The following FAM171B variants were observed in gnomAD, a reference collection of about 807,000 sequenced individuals.
FAM171B encodes family with sequence similarity 171 member B.
A neutral mutation model predicts 75.6 loss-of-function variants in FAM171B; 19 were observed. That is an observed-to-expected ratio of 0.25 (90% CI 0.18 to 0.37). The LOEUF (loss-of-function observed/expected upper bound fraction) is 0.37. Among genes scored for constraint, FAM171B ranks in the 10% least tolerant of loss-of-function variants. The pLI, the probability that FAM171B is intolerant of heterozygous loss-of-function variation, is 1.00. For synonymous variants in FAM171B, 367 were observed against 361.7 expected (o/e 1.01, Z -0.17); for missense variants, 848 against 982.4 (o/e 0.86, Z 1.83).
intron 1 of FAM171B, among the ~76,000 whole-genome samples, chr2:186,720,401 G>C (rs989887705): frequency 6.6e-6 from 1 of 152,074 alleles, no homozygotes; most frequent in Admixed American, 6.5e-5. Flanking sequence ...CACTGTAGTT[G>C]TCATGTCATA....
rs1449633062 is a variant in FAM171B, at chr2:186,695,290, G to A, written c.238+879G>A. 4.6e-5 allele frequency: 7 copies of A among 152,176 alleles called. No individual in the cohort carries two copies. In the South Asian group the frequency reaches 1.4e-3, roughly 32 times the overall value. 9.4% of individuals were successfully genotyped at this position (152,176 alleles called of 1,614,324 possible). ...CCCCCCATTAAAGCTCCATCGGTAA[G>A]CAAATAGCTAGATTATCCATGTATA... On this transcript the variant is annotated intron_variant, in intron 1 of 7. Coordinates refer to ENST00000304698, the MANE Select transcript of FAM171B (RefSeq NM_177454.4).
intron 1 of FAM171B, among the ~76,000 whole-genome samples, chr2:186,728,565 T>G (rs1243384471): frequency 1.3e-5 from 2 of 152,246 alleles, no homozygotes; most frequent in Non-Finnish European, 2.9e-5. Flanking sequence ...TTCCTAGTTC[T>G]CAGGATACAT....
At chr2:186,729,163 T>C (rs12471718) in intron 1 of FAM171B, among the ~76,000 whole-genome samples, 50,538 of 151,996 alleles carry the variant, frequency 0.33, 9,029 homozygotes, top group East Asian at 0.73. Flanking sequence ...ACGTATTTTA[T>C]TTTTACTTGG....
chr2:186,749,955 A>T lies in FAM171B; in HGVS notation c.725-1179A>T, dbSNP rs182268149. Among the ~76,000 whole-genome samples the T allele has an allele frequency of 3.9e-5, 6 of 152,278 alleles. No homozygotes were observed. In the East Asian group the frequency reaches 1.2e-3, roughly 29 times the overall value. On this transcript the variant is annotated intron_variant, in intron 4 of 7. Coordinates refer to ENST00000304698, the MANE Select transcript of FAM171B (RefSeq NM_177454.4). ...GATGAGGAGTAAATACATGGGGGCA[A>T]AAAAGGATATTTGATAGGAATTATT... is the stretch of plus-strand genomic sequence containing the variant.
chr2:186,742,026 T>C (rs189209722), intron 2 of FAM171B, among the ~76,000 whole-genome samples: 1 of 152,256 alleles, frequency 6.6e-6, no homozygotes, highest in Admixed American at 6.5e-5. Flanking sequence ...GAAATACTTA[T>C]GTTATTAAAT....
Position 186,762,050 on chromosome 2 carries a change from T to A in FAM171B, c.1708T>A (p.Tyr570Asn). 6.2e-7 allele frequency: 1 copy of A among 1,613,736 alleles called. No individual in the cohort carries two copies. Among genetic ancestry groups the A allele is most frequent in the Non-Finnish European group, 8.5e-7 (1 of 1,179,810 alleles). ...ATLPRKGQLV[Y>N]GQLMEPVNRE... ...TTTGCCAAGAAAGGGACAGTTAGTC[T>A]ATGGCCAATTGATGGAACCAGTAAA... The change falls in exon 8 of 8, where the codon TAT becomes AAT. Residue 570 changes from tyrosine to asparagine, a missense_variant. Tyr to Asn is a moderately radical substitution (Grantham distance 143). This residue lies in a region of FAM171B where 665 missense variants were observed against 729.0 expected (regional missense o/e 0.91). Transcript: ENST00000304698. This position sits in a 1 kb window ranked among gnomAD's most constrained non-coding sequence, Gnocchi z 4.0.
chr2:186,722,367 A>G (rs997702492), intron 1 of FAM171B, among the ~76,000 whole-genome samples: 4 of 152,180 alleles, frequency 2.6e-5, no homozygotes, highest in African/African-American at 9.7e-5. Context: ...TTCTAAGAAA[A>G]GATTGATCAC....
chr2:186,702,663 C>A (rs960956911), intron 1 of FAM171B, among the ~76,000 whole-genome samples: 1 of 152,074 alleles, frequency 6.6e-6, no homozygotes, highest in African/African-American at 2.4e-5. Flanking sequence ...TTCAGAGTGC[C>A]ATTTCAGGTA....
chr2:186,758,120 C>T (rs975362456), intron 6 of FAM171B, among the ~76,000 whole-genome samples: 9 of 134,244 alleles, frequency 6.7e-5, no homozygotes, highest in Non-Finnish European at 9.7e-5. Flanking sequence ...TGTGGTATAG[C>T]GAAAACTGAG....
chr2:186,743,573 C>G lies in FAM171B; in HGVS notation c.563C>G (p.Ala188Gly), dbSNP rs1362077942. The G allele has an allele frequency of 1.9e-6, 3 of 1,595,144 alleles. No individual in the cohort carries two copies. The highest frequency in any genetic ancestry group is 2.6e-6 in the Non-Finnish European group (3 of 1,163,276). The change falls in exon 3 of 8, where the codon GCT becomes GGT. Residue 188 changes from alanine (A) to glycine (G), a missense_variant and splice_region_variant. Coordinates refer to ENST00000304698, the MANE Select transcript of FAM171B (RefSeq NM_177454.4). ...ACTGTTTTAATTACTGGAAAATTAG[C>G]TGGTAAGTACCATACTTCTTACTAA... ...EDTVLITGKL[A>G]DAKSQPSVQF...
rs776357355 is a variant in FAM171B at position 186,696,995 on chromosome 2, A to AATGGATGG, written c.238+2586_238+2593dup. ...CCCATAGACATTCAACCATTTGTTG[A>AATGGATGG]ATGGATGGACGGATGGATGGATGGA... is the stretch of plus-strand genomic sequence containing the variant. On this transcript the variant is annotated intron_variant, in intron 1 of 7. Transcript: ENST00000304698. Among the ~76,000 whole-genome samples the AATGGATGG allele has an allele frequency of 3.5e-3, 343 of 99,332 alleles. 1 individual carries two copies. The highest frequency in any genetic ancestry group is 5.6e-3 in the Non-Finnish European group (251 of 45,222). The allele number at this position is 99,332 out of a possible 152,430, so 65.2% of individuals were successfully genotyped here.
intron 1 of FAM171B, among the ~76,000 whole-genome samples, chr2:186,720,700 C>CAAAAAAAAAAAA (rs71411184): frequency 4.5e-5 from 5 of 110,214 alleles, no homozygotes; most frequent in East Asian, 5.1e-4. Context: ...AGATCATGTA[C>CAAAAAAAAAAAA]AAAAAAAAAA....
intron 6 of FAM171B, among the ~76,000 whole-genome samples, chr2:186,754,906 C>T (rs1278657032): frequency 6.6e-6 from 1 of 151,892 alleles, no homozygotes; most frequent in African/African-American, 2.4e-5. Context: ...GATTGGACAC[C>T]CCTGTACTAA....
chr2:186,744,409 T>C (rs934140490), intron 3 of FAM171B, among the ~76,000 whole-genome samples: 17 of 152,214 alleles, frequency 1.1e-4, no homozygotes, highest in Non-Finnish European at 2.2e-4. Flanking sequence ...GAAAATTTAC[T>C]ATTATTTGGG....
At chr2:186,752,008 G>T (rs1337755694) in intron 5 of FAM171B, among the ~76,000 whole-genome samples, 1 of 152,112 alleles carries the variant, frequency 6.6e-6, no homozygotes, top group Non-Finnish European at 1.5e-5. Context: ...ACTCTCATCT[G>T]TTTGCTCTGT....
chr2:186,721,281 T>G (rs1011265759), intron 1 of FAM171B, among the ~76,000 whole-genome samples: 2 of 152,116 alleles, frequency 1.3e-5, no homozygotes, highest in Non-Finnish European at 2.9e-5. Context: ...GTTAGTCTCC[T>G]AGGTAAGTCT....
intron 4 of FAM171B, among the ~76,000 whole-genome samples, chr2:186,748,645 C>T (rs1395714739): frequency 6.6e-6 from 1 of 152,206 alleles, no homozygotes; most frequent in East Asian, 1.9e-4. Flanking sequence ...CTGGAGTTAC[C>T]ACAGTGATAA....
chr2:186,706,641 G>A (rs1464898909), intron 1 of FAM171B, among the ~76,000 whole-genome samples: 1 of 152,136 alleles, frequency 6.6e-6, no homozygotes, highest in African/African-American at 2.4e-5. Flanking sequence ...AGAAATAAAG[G>A]TGAAAAAGAT....
chr2:186,750,990 C>A, intron 4 of FAM171B, 144 bp from the exon 5 acceptor site: 1 of 527,802 alleles, frequency 1.9e-6, no homozygotes, highest in Non-Finnish European at 3.2e-6. Context: ...TTTAAAAAAT[C>A]CTTAATGTGT....
Sources: gnomAD v4.1 joint callset for allele counts (sites outside exome capture counted in the v4.1 genomes callset) on GRCh38, gnomAD v4.1.1 for gene constraint, gnomAD v4.1.1 regional missense constraint, Gnocchi (gnomAD v3.1) non-coding constraint, MANE v1.5 for transcripts, NCBI Gene and HGNC (gene_info 2026-07-23, HGNC 2026-07-21) for gene names.